ANKS1B: variants seen among roughly 807,000 people sequenced by gnomAD.
The protein encoded by ANKS1B is ankyrin repeat and sterile alpha motif domain containing 1B.
In ANKS1B, 36 loss-of-function variants were observed where a neutral mutation model predicts 148.3. The ratio of observed to expected loss-of-function variants is 0.24; its 90% CI spans 0.19 to 0.32. The LOEUF (loss-of-function observed/expected upper bound fraction) is 0.32. Ranked by LOEUF, ANKS1B falls within the 10% of genes least tolerant of loss-of-function variation. The probability of loss-of-function intolerance (pLI) is 1.00; values close to 1 mark genes in which losing one functional copy is unlikely to be tolerated. For missense variants in ANKS1B, 1,157 were observed against 1,542.6 expected (o/e 0.75, Z 4.19); for synonymous variants, 542 against 560.8 (o/e 0.97, Z 0.47).
At chr12:98,880,834 T>G (rs1306540076) in intron 17 of ANKS1B, among the ~76,000 whole-genome samples, 1 of 151,306 alleles carries the variant, frequency 6.6e-6, no homozygotes, top group Non-Finnish European at 1.5e-5. Flanking sequence ...GATGGGTAGG[T>G]TCCTAAAAAG....
At chr12:98,990,822 G>A (rs1266670973) in intron 17 of ANKS1B, among the ~76,000 whole-genome samples, 1 of 152,222 alleles carries the variant, frequency 6.6e-6, no homozygotes, top group Non-Finnish European at 1.5e-5. Flanking sequence ...GCTGAGCTGA[G>A]CTGCTGCAAA....
At position 99,372,689 on chromosome 12, in the gene ANKS1B, C is replaced by T. The variant is rs184683345; in HGVS notation, c.1756+26942G>A. On this transcript the variant is annotated intron_variant, in intron 12 of 26. Transcript: ENST00000683438. Reference sequence around the variant, plus strand: ...TTTTATACATCCATACACACACTCACGCACATTATTTTTATATGCGACAAT... The same window carrying T: ...TTTTATACATCCATACACACACTCATGCACATTATTTTTATATGCGACAAT... Among the ~76,000 whole-genome samples the T allele has an allele frequency of 7.0e-4, 107 of 152,264 alleles. 1 individual carries two copies. Among genetic ancestry groups the T allele is most frequent in the Non-Finnish European group, 1.1e-3 (74 of 68,002 alleles).
At chr12:99,048,075 T>C (rs1375779087) in intron 17 of ANKS1B, among the ~76,000 whole-genome samples, 1 of 152,156 alleles carries the variant, frequency 6.6e-6, no homozygotes, top group East Asian at 1.9e-4. Context: ...TAGTAGTCCA[T>C]AGAGGTGGAG....
intron 1 of ANKS1B, among the ~76,000 whole-genome samples, chr12:99,938,937 A>G (rs1467573831): frequency 6.6e-6 from 1 of 152,152 alleles, no homozygotes; most frequent in Non-Finnish European, 1.5e-5. Context: ...GTAGAAGAAA[A>G]CTGTCATTCC....
intron 9 of ANKS1B, among the ~76,000 whole-genome samples, chr12:99,627,711 C>G (rs2098123425): frequency 6.6e-6 from 1 of 152,014 alleles, no homozygotes; most frequent in Non-Finnish European, 1.5e-5. Flanking sequence ...TTGTCAGAAA[C>G]AAATGTTATC....
At chr12:99,762,515 T>C (rs145114330) in intron 8 of ANKS1B, among the ~76,000 whole-genome samples, 1 of 152,054 alleles carries the variant, frequency 6.6e-6, no homozygotes, top group East Asian at 1.9e-4. Context: ...CCTTTCATCA[T>C]ACACAACAAT....
intron 9 of ANKS1B, among the ~76,000 whole-genome samples, chr12:99,636,375 A>G (rs2098236289): frequency 6.6e-6 from 1 of 152,204 alleles, no homozygotes; most frequent in Admixed American, 6.5e-5. Context: ...TTCTGTTTAA[A>G]GACAACTTAT....
intron 9 of ANKS1B, among the ~76,000 whole-genome samples, chr12:99,539,993 C>A (rs899500847): frequency 1.3e-5 from 2 of 151,662 alleles, no homozygotes; most frequent in African/African-American, 4.8e-5. Context: ...CAAATAACAA[C>A]CAAAAGATAA....
intron 1 of ANKS1B, among the ~76,000 whole-genome samples, chr12:99,946,500 T>C (rs1224671297): frequency 6.6e-6 from 1 of 152,030 alleles, no homozygotes. Flanking sequence ...TCTAAGCCCA[T>C]CATGAGGGCC....
At chr12:99,268,901 A>G (rs2172282) in intron 12 of ANKS1B, among the ~76,000 whole-genome samples, 48,702 of 152,018 alleles carry the variant, frequency 0.32, 9,339 homozygotes, top group African/African-American at 0.54. Context: ...TTGAGACAAT[A>G]AGTTCTGTCT....
chr12:99,307,903 C>G (rs1272959067), intron 12 of ANKS1B, among the ~76,000 whole-genome samples: 4 of 152,016 alleles, frequency 2.6e-5, no homozygotes, highest in African/African-American at 9.7e-5. Context: ...AGAGTTGAGA[C>G]TAGAGAATCC....
At chr12:99,324,968 G>A (rs1005260381) in intron 12 of ANKS1B, among the ~76,000 whole-genome samples, 1 of 151,922 alleles carries the variant, frequency 6.6e-6, no homozygotes, top group African/African-American at 2.4e-5. Context: ...CCATTATTAG[G>A]TGTTCCATTC....
chr12:98,885,412 T>C (rs1210038208), intron 17 of ANKS1B, among the ~76,000 whole-genome samples: 1 of 152,218 alleles, frequency 6.6e-6, no homozygotes, highest in Non-Finnish European at 1.5e-5. Context: ...TTTTTGCTAA[T>C]AATTCTAAAT....
At chr12:98,896,321 A>C (rs1253385997) in intron 17 of ANKS1B, among the ~76,000 whole-genome samples, 1 of 152,238 alleles carries the variant, frequency 6.6e-6, no homozygotes, top group East Asian at 1.9e-4. Context: ...ATATGAATGA[A>C]TTATTAAATA....
rs377255696 is a variant in ANKS1B at position 99,085,963 on chromosome 12, C to T, written c.2527-940G>A. Reference sequence around the variant, plus strand: ...TAATCTGTACAACAAAGCCCCATGACACAAGTTTACCTACGTAACAAACTG... The same window carrying T: ...TAATCTGTACAACAAAGCCCCATGATACAAGTTTACCTACGTAACAAACTG... On this transcript the variant is annotated intron_variant, in intron 15 of 26. Transcript: ENST00000683438. Among the ~76,000 whole-genome samples the T allele has an allele frequency of 1.8e-4, 27 of 152,214 alleles. No individual in the cohort carries two copies. In the South Asian group the frequency reaches 5.2e-3, roughly 29 times the overall value.
At chr12:99,575,638 A>G (rs2097510220) in intron 9 of ANKS1B, among the ~76,000 whole-genome samples, 1 of 152,042 alleles carries the variant, frequency 6.6e-6, no homozygotes, top group Non-Finnish European at 1.5e-5. Context: ...CGTGAGACTT[A>G]TTCACTACCA....
chr12:99,439,347 G>A (rs1453644239), intron 11 of ANKS1B, among the ~76,000 whole-genome samples: 5 of 151,710 alleles, frequency 3.3e-5, no homozygotes, highest in African/African-American at 1.2e-4. Context: ...AGGCACTTGA[G>A]AAAATGTTTA....
At chr12:99,906,822 G>A (rs2093800077) in intron 1 of ANKS1B, among the ~76,000 whole-genome samples, 1 of 152,102 alleles carries the variant, frequency 6.6e-6, no homozygotes, top group East Asian at 1.9e-4. Flanking sequence ...TTATTGTAGT[G>A]CCGGGAGTAT....
chr12:99,570,645 CAAAAAAA>C (rs34453262), intron 9 of ANKS1B, among the ~76,000 whole-genome samples: 1 of 103,506 alleles, frequency 9.7e-6, no homozygotes, highest in Admixed American at 1.0e-4. Flanking sequence ...GACTTCGTCT[CAAAAAAA>C]AAAAAAAAGG....
Sources: gnomAD v4.1 joint callset for allele counts (sites outside exome capture counted in the v4.1 genomes callset) on GRCh38, gnomAD v4.1.1 for gene constraint, MANE v1.5 for transcripts, NCBI Gene and HGNC (gene_info 2026-07-23, HGNC 2026-07-21) for gene names.